Variants in AOAH observed in about 807,000 individuals in gnomAD.
The protein encoded by AOAH is acyloxyacyl hydrolase.
A neutral mutation model predicts 92.2 loss-of-function variants in AOAH; 64 were observed. The observed-to-expected ratio is 0.69, with a 90% CI of 0.57 to 0.86. The LOEUF (loss-of-function observed/expected upper bound fraction) is 0.86, where lower values mean the gene tolerates loss of function less well. AOAH is among the 40% of genes least tolerant of loss of function. The pLI is 0.00. For missense variants in AOAH, 656 were observed against 694.6 expected (o/e 0.94, Z 0.62); for synonymous variants, 263 against 254.5 (o/e 1.03, Z -0.32).
At chr7:36,720,540 G>A (rs753151108) in intron 1 of AOAH, among the ~76,000 whole-genome samples, 1 of 152,078 alleles carries the variant, frequency 6.6e-6, no homozygotes, top group African/African-American at 2.4e-5. Context: ...CTTTATGAGC[G>A]GAGTCTGCAG....
At chr7:36,710,828 T>C (rs1009427885) in intron 1 of AOAH, among the ~76,000 whole-genome samples, 3 of 152,236 alleles carry the variant, frequency 2.0e-5, no homozygotes, top group African/African-American at 4.8e-5. Context: ...ACAGTTTCTA[T>C]GCATTTCTTT....
At chr7:36,660,724 A>G (rs1232413657) in intron 3 of AOAH, among the ~76,000 whole-genome samples, 1 of 152,188 alleles carries the variant, frequency 6.6e-6, no homozygotes, top group Admixed American at 6.5e-5. Context: ...TTACATCTAG[A>G]TTCAACGTAT....
chr7:36,618,842 A>C lies in AOAH; in HGVS notation c.703-497T>G, dbSNP rs563530198. Among the ~76,000 whole-genome samples the C allele has an allele frequency of 1.4e-4, 22 of 152,302 alleles. 1 individual carries two copies. The South Asian group carries it at 4.3e-3, about 30-fold the overall frequency. On this transcript the variant is annotated intron_variant, in intron 9 of 20. Coordinates refer to ENST00000617537, the MANE Select transcript of AOAH (RefSeq NM_001637.4). ...ATTTTTTGCTGGGGGAGCTACTGGC[A>C]TCTAGTGGATAGAGGTCAGGGATAC...
At chr7:36,522,968 G>A (rs1032394303) in intron 19 of AOAH, among the ~76,000 whole-genome samples, 20 of 152,186 alleles carry the variant, frequency 1.3e-4, no homozygotes, top group African/African-American at 4.6e-4. Context: ...AAGGAAGGAC[G>A]GAAATTCTGT....
intron 4 of AOAH, among the ~76,000 whole-genome samples, chr7:36,640,831 A>G (rs1333218280): frequency 6.6e-6 from 1 of 152,318 alleles, no homozygotes; most frequent in East Asian, 1.9e-4. Context: ...AGGCTAGAGA[A>G]GGACCCCAGC....
intron 19 of AOAH, among the ~76,000 whole-genome samples, chr7:36,525,719 G>C (rs73340528): frequency 0.023 from 3,503 of 152,274 alleles, 149 homozygotes; most frequent in African/African-American, 0.081. Flanking sequence ...TGATCAACTG[G>C]TAAGTATACA....
intron 16 of AOAH, among the ~76,000 whole-genome samples, chr7:36,538,007 T>TC (rs1583763147): frequency 6.8e-6 from 1 of 147,832 alleles, no homozygotes; most frequent in East Asian, 2.0e-4. Flanking sequence ...ATTCGTACAT[T>TC]CTTTTTTTTT....
intron 4 of AOAH, among the ~76,000 whole-genome samples, chr7:36,643,347 A>C (rs1374586545): frequency 6.6e-6 from 1 of 152,180 alleles, no homozygotes; most frequent in Admixed American, 6.5e-5. Context: ...TGAAATTTTA[A>C]CATAAGCAAG....
At chr7:36,710,081 T>C (rs1798664150) in intron 1 of AOAH, among the ~76,000 whole-genome samples, 1 of 152,192 alleles carries the variant, frequency 6.6e-6, no homozygotes, top group South Asian at 2.1e-4. Context: ...AATTATAATA[T>C]TTCTGCCTCC....
intron 1 of AOAH, among the ~76,000 whole-genome samples, chr7:36,691,697 A>G (rs1797409820): frequency 6.6e-6 from 1 of 152,172 alleles, no homozygotes; most frequent in Non-Finnish European, 1.5e-5. Flanking sequence ...TGTTTGGTAT[A>G]TTGGAAACAG....
chr7:36,632,756 A>G (rs1361058072), intron 5 of AOAH, among the ~76,000 whole-genome samples: 1 of 152,250 alleles, frequency 6.6e-6, no homozygotes, highest in African/African-American at 2.4e-5. Flanking sequence ...GCATTTATCA[A>G]TGAAGGGAGA....
intron 4 of AOAH, among the ~76,000 whole-genome samples, chr7:36,639,574 C>T (rs1359899643): frequency 6.6e-6 from 1 of 152,192 alleles, no homozygotes; most frequent in Non-Finnish European, 1.5e-5. Flanking sequence ...TAGGAAAAAA[C>T]CTTGCAAAGG....
At chr7:36,563,673 A>G (rs1175535536) in intron 13 of AOAH, among the ~76,000 whole-genome samples, 1 of 152,244 alleles carries the variant, frequency 6.6e-6, no homozygotes, top group African/African-American at 2.4e-5. Flanking sequence ...ACACTGTCCT[A>G]AAATACATCT....
chr7:36,646,876 T>C (rs1237707368), intron 4 of AOAH, among the ~76,000 whole-genome samples: 2 of 152,214 alleles, frequency 1.3e-5, no homozygotes, highest in Non-Finnish European at 2.9e-5. Flanking sequence ...AATCTCCCCA[T>C]CTAAAATCCT....
At chr7:36,533,668 A>G (rs1212115448) in intron 16 of AOAH, among the ~76,000 whole-genome samples, 2 of 139,444 alleles carry the variant, frequency 1.4e-5, no homozygotes, top group Non-Finnish European at 3.1e-5. Context: ...TGTTCCCTCT[A>G]TTTTGTGTGC....
chr7:36,709,731 A>C (rs1798643407), intron 1 of AOAH, among the ~76,000 whole-genome samples: 1 of 152,080 alleles, frequency 6.6e-6, no homozygotes, highest in South Asian at 2.1e-4. Context: ...GGATTTTCCT[A>C]ACATTGAAAA....
intron 2 of AOAH, among the ~76,000 whole-genome samples, chr7:36,677,649 T>TA (rs1416851054): frequency 2.6e-5 from 4 of 152,176 alleles, no homozygotes; most frequent in African/African-American, 9.7e-5. Flanking sequence ...CAGAAATGTG[T>TA]ACACAAATAT....
rs767893590 is a variant in AOAH at position 36,513,112 on chromosome 7, GAGAA to G, written c.*136_*139del. ...GTCGTCCAGATATGCTCTTCATTGA[GAGAA>G]AGACATTTTGCAAAGATGCTGCTGA... On this transcript the variant is annotated 3_prime_UTR_variant, in exon 21 of 21. Coordinates refer to ENST00000617537, the MANE Select transcript of AOAH (RefSeq NM_001637.4). The G allele has an allele frequency of 6.9e-6, 11 of 1,602,948 alleles. No homozygotes were observed. Among genetic ancestry groups the G allele is most frequent in the East Asian group, 2.2e-5 (1 of 44,716 alleles).
At chr7:36,608,920 G>C (rs981272732) in intron 11 of AOAH, among the ~76,000 whole-genome samples, 4 of 123,154 alleles carry the variant, frequency 3.2e-5, no homozygotes, top group Admixed American at 1.7e-4. Context: ...AGGGGGGGGG[G>C]TCTGGTACAA....
Sources: allele counts gnomAD v4.1 joint callset (sites outside exome capture counted in the v4.1 genomes callset), GRCh38; gene constraint gnomAD v4.1.1; transcripts MANE v1.5; gene names NCBI Gene and HGNC (gene_info 2026-07-23, HGNC 2026-07-21).